PIGL: variants seen among roughly 807,000 people sequenced by gnomAD.
The protein encoded by PIGL is N-acetylglucosaminyl-phosphatidylinositol de-N-acetylase.
In PIGL, 22 loss-of-function variants were observed where a neutral mutation model predicts 31.1. The ratio of observed to expected loss-of-function variants is 0.71; its 90% CI spans 0.51 to 1.01. The LOEUF (loss-of-function observed/expected upper bound fraction) is 1.01, where lower values mean the gene tolerates loss of function less well. Ranked by LOEUF, PIGL falls within the 50% of genes least tolerant of loss-of-function variation. The probability of loss-of-function intolerance (pLI) is 0.00; values close to 1 mark genes in which losing one functional copy is unlikely to be tolerated. For synonymous variants in PIGL, 131 were observed against 117.4 expected (o/e 1.12, Z -0.75); for missense variants, 302 against 315.9 (o/e 0.96, Z 0.33).
Position 16,267,728 on chromosome 17 carries a change from G to A in PIGL, c.336-32160G>A, listed in dbSNP as rs185691748. ...GAAAAAAAGAAAAAAAAAAGAAAAGGAAAGAAATTAACCCGAATTTGTGGT... is the reference window on the plus strand; with the variant it reads ...GAAAAAAAGAAAAAAAAAAGAAAAGAAAAGAAATTAACCCGAATTTGTGGT... On this transcript the variant is annotated intron_variant, in intron 2 of 6. Transcript: ENST00000225609. 4.3e-3 allele frequency among the ~76,000 whole-genome samples: 649 copies of A among 151,948 alleles called. 3 individuals are homozygous for A. Among genetic ancestry groups the A allele is most frequent in the Non-Finnish European group, 7.5e-3 (511 of 67,948 alleles).
chr17:16,226,180 C>T (rs1409739555), intron 1 of PIGL, among the ~76,000 whole-genome samples: 2 of 152,004 alleles, frequency 1.3e-5, no homozygotes, highest in African/African-American at 2.4e-5. Context: ...CAAGAAAAAC[C>T]AATCACCTTT....
chr17:16,297,172 C>T (rs955705850), intron 2 of PIGL, among the ~76,000 whole-genome samples: 1 of 152,144 alleles, frequency 6.6e-6, no homozygotes. Flanking sequence ...AGTAATGATG[C>T]TTTATCAGAT....
intron 3 of PIGL, among the ~76,000 whole-genome samples, chr17:16,305,362 C>T (rs1265013506): frequency 6.6e-6 from 1 of 152,120 alleles, no homozygotes; most frequent in Non-Finnish European, 1.5e-5. Context: ...TAGGTGAGAA[C>T]CAGTGTCTTA....
chr17:16,307,136 C>T (rs762717519), intron 3 of PIGL, among the ~76,000 whole-genome samples: 3 of 152,232 alleles, frequency 2.0e-5, no homozygotes, highest in Non-Finnish European at 4.4e-5. Context: ...ACCATGTTGA[C>T]ATTACCCTGA....
intron 2 of PIGL, among the ~76,000 whole-genome samples, chr17:16,253,238 G>A (rs2092780165): frequency 6.6e-6 from 1 of 151,994 alleles, no homozygotes; most frequent in South Asian, 2.1e-4. Flanking sequence ...TGGACAACAC[G>A]AGGGAAACTC....
chr17:16,300,224 G>A, intron 3 of PIGL: 2 of 443,560 alleles, frequency 4.5e-6, no homozygotes, highest in Non-Finnish European at 8.1e-6. Context: ...AGAGGCAGAA[G>A]TTTTTTCTAA....
intron 3 of PIGL, among the ~76,000 whole-genome samples, chr17:16,300,374 T>C (rs1243481813): frequency 6.6e-6 from 1 of 152,134 alleles, no homozygotes; most frequent in African/African-American, 2.4e-5. Flanking sequence ...CAGAGTATCA[T>C]TTTAACTTTA....
At position 16,217,221 on chromosome 17, in the gene PIGL, C is replaced by G; in HGVS notation, c.-6C>G. On this transcript the variant is annotated 5_prime_UTR_variant, in exon 1 of 7. Transcript: ENST00000225609. ...TACTGCGCAGGCTCAGTGCTGCTTACCCATCATGGAAGCAATGTGGCTCCT... is the reference window on the plus strand; with the variant it reads ...TACTGCGCAGGCTCAGTGCTGCTTAGCCATCATGGAAGCAATGTGGCTCCT... The G allele has an allele frequency of 1.2e-6, 2 of 1,613,126 alleles. No individual in the cohort carries two copies. The highest frequency in any genetic ancestry group is 1.1e-5 in the South Asian group (1 of 91,044).
Position 16,252,074 on chromosome 17 carries a change from T to TTCTTTTTTTC in PIGL, c.335+18005_335+18006insCTTTTTTTCT, listed in dbSNP as rs1198751265. 3.3e-4 allele frequency among the ~76,000 whole-genome samples: 49 copies of TTCTTTTTTTC among 150,640 alleles called. 1 individual carries two copies. Among genetic ancestry groups the TTCTTTTTTTC allele is most frequent in the African/African-American group, 1.2e-3 (48 of 40,664 alleles). On this transcript the variant is annotated intron_variant, in intron 2 of 6. Coordinates refer to ENST00000225609, the MANE Select transcript of PIGL (RefSeq NM_004278.4). ...CAGATAATTTTTTTTTCCTTTTTTT[T>TTCTTTTTTTC]TTTTTCTTTTTTTTTGTTGAGACAG...
intron 1 of PIGL, among the ~76,000 whole-genome samples, chr17:16,233,636 C>G (rs113453792): frequency 2.0e-5 from 3 of 152,132 alleles, no homozygotes; most frequent in Non-Finnish European, 4.4e-5. Context: ...AGTGGTCGTA[C>G]ATGGTGTGAT....
intron 3 of PIGL, chr17:16,312,629 A>T (rs374671507): frequency 1.4e-4 from 24 of 172,468 alleles, no homozygotes; most frequent in African/African-American, 5.5e-4. Context: ...AGCCTGGGCA[A>T]CATTGAGCAC....
intron 2 of PIGL, among the ~76,000 whole-genome samples, chr17:16,256,097 T>C (rs2092792624): frequency 6.6e-6 from 1 of 151,520 alleles, no homozygotes; most frequent in Non-Finnish European, 1.5e-5. Flanking sequence ...TTGGAAGAGG[T>C]TGTTTGGAAA....
intron 1 of PIGL, among the ~76,000 whole-genome samples, chr17:16,221,178 T>C (rs1432314143): frequency 2.0e-5 from 3 of 152,228 alleles, no homozygotes; most frequent in Non-Finnish European, 4.4e-5. Context: ...TTTTCAATTC[T>C]GGTCCCAAAT....
At chr17:16,227,959 A>G (rs1308269881) in intron 1 of PIGL, among the ~76,000 whole-genome samples, 3 of 152,186 alleles carry the variant, frequency 2.0e-5, no homozygotes, top group East Asian at 3.9e-4. Context: ...CAGCAATTTC[A>G]TAATTGAAAG....
At chr17:16,292,615 T>TA (rs1209773584) in intron 2 of PIGL, among the ~76,000 whole-genome samples, 1 of 152,176 alleles carries the variant, frequency 6.6e-6, no homozygotes, top group Non-Finnish European at 1.5e-5. Flanking sequence ...TTTACAATAC[T>TA]AAAAAATTGG....
At chr17:16,217,579 A>C in intron 1 of PIGL, 118 bp downstream of exon 1, 2 of 796,894 alleles carry the variant, frequency 2.5e-6, no homozygotes, top group Non-Finnish European at 4.1e-6. Flanking sequence ...AATACACCGA[A>C]GGTCTTACCT....
chr17:16,238,677 G>A (rs1253561432), intron 2 of PIGL, among the ~76,000 whole-genome samples: 1 of 150,858 alleles, frequency 6.6e-6, no homozygotes, highest in Non-Finnish European at 1.5e-5. Context: ...TTGGGAGGCC[G>A]AGGCAGGAGG....
chr17:16,274,947 G>A (rs182090881), intron 2 of PIGL, among the ~76,000 whole-genome samples: 43 of 151,798 alleles, frequency 2.8e-4, no homozygotes, highest in African/African-American at 9.7e-4. Context: ...CAGGAGAATG[G>A]CTGGAACCCG....
chr17:16,239,568 A>G (rs866919453), intron 2 of PIGL, among the ~76,000 whole-genome samples: 3 of 152,204 alleles, frequency 2.0e-5, no homozygotes, highest in African/African-American at 7.2e-5. Flanking sequence ...GGCAAAACAT[A>G]TATCTCTTTC....
Sources: allele counts gnomAD v4.1 joint callset (sites outside exome capture counted in the v4.1 genomes callset), GRCh38; gene constraint gnomAD v4.1.1; transcripts MANE v1.5; gene names NCBI Gene and HGNC (gene_info 2026-07-23, HGNC 2026-07-21).